The following CYP2J2 variants were observed in gnomAD, a reference collection of about 807,000 sequenced individuals.
The protein encoded by CYP2J2 is cytochrome P450 family 2 subfamily J member 2.
A neutral mutation model predicts 48.8 loss-of-function variants in CYP2J2; 41 were observed. The ratio of observed to expected loss-of-function variants is 0.84; its 90% CI spans 0.66 to 1.09. The LOEUF (loss-of-function observed/expected upper bound fraction) is 1.09. Ranked by LOEUF, CYP2J2 falls within the 50% of genes least tolerant of loss-of-function variation. The probability of loss-of-function intolerance (pLI) is 0.00; values close to 1 mark genes in which losing one functional copy is unlikely to be tolerated. For missense variants in CYP2J2, 644 were observed against 617.3 expected (o/e 1.04, Z -0.46); for synonymous variants, 221 against 227.1 (o/e 0.97, Z 0.24).
chr1:59,938,221 A>G, the CYP2J2 span, among the ~76,000 whole-genome samples: 1 of 152,194 alleles, frequency 6.6e-6, no homozygotes, highest in East Asian at 1.9e-4. Flanking sequence ...AGAGACTGAT[A>G]AAAGAAATAA....
the CYP2J2 span, among the ~76,000 whole-genome samples, chr1:59,937,285 T>C: frequency 6.6e-6 from 1 of 152,172 alleles, no homozygotes; most frequent in Non-Finnish European, 1.5e-5. Context: ...GATCTGAAAA[T>C]TGTCTTCATC....
the CYP2J2 span, among the ~76,000 whole-genome samples, chr1:59,961,703 G>A: frequency 7.2e-5 from 11 of 152,032 alleles, no homozygotes; most frequent in Admixed American, 3.9e-4. Context: ...AGTAACCAAA[G>A]AGTAGAAACA....
At chr1:59,916,215 G>A (rs1480115836) in intron 1 of CYP2J2, 115 bp from the exon 2 acceptor site, 1 of 757,664 alleles carries the variant, frequency 1.3e-6, no homozygotes. Context: ...GTCTGTGTCT[G>A]TGTGTGTACG....
At chr1:59,966,011 T>C in the CYP2J2 span, among the ~76,000 whole-genome samples, 1 of 152,174 alleles carries the variant, frequency 6.6e-6, no homozygotes, top group African/African-American at 2.4e-5. Context: ...GTTGAGTAAA[T>C]TGTGAAACCA....
upstream of CYP2J2, among the ~76,000 whole-genome samples, chr1:59,929,904 C>A (rs1644595160): frequency 6.6e-6 from 1 of 152,030 alleles, no homozygotes; most frequent in African/African-American, 2.4e-5. Context: ...ATCCATGTAT[C>A]CAAAAATTTC....
intron 6 of CYP2J2, among the ~76,000 whole-genome samples, chr1:59,906,521 C>A (rs1644366705): frequency 6.6e-6 from 1 of 151,840 alleles, no homozygotes; most frequent in Non-Finnish European, 1.5e-5. Flanking sequence ...GGGTAAAATA[C>A]CCATAACATA....
intron 1 of CYP2J2, among the ~76,000 whole-genome samples, chr1:59,921,508 G>A (rs1391577433): frequency 6.6e-6 from 1 of 152,020 alleles, no homozygotes; most frequent in African/African-American, 2.4e-5. Context: ...CAACCCTTGT[G>A]GAGAGCCTAT....
the CYP2J2 span, among the ~76,000 whole-genome samples, chr1:59,959,680 T>C: frequency 3.3e-5 from 5 of 152,248 alleles, no homozygotes; most frequent in East Asian, 9.7e-4. Context: ...TATATACATA[T>C]GTATATGTAT....
upstream of CYP2J2, among the ~76,000 whole-genome samples, chr1:59,928,177 A>C (rs11572182): frequency 0.11 from 16,706 of 152,080 alleles, 1,180 homozygotes; most frequent in Admixed American, 0.17. Context: ...GGTTTGTTAT[A>C]TCTCTCCTTC....
chr1:59,899,097 G>C (rs543460140), intron 8 of CYP2J2, among the ~76,000 whole-genome samples: 1 of 152,300 alleles, frequency 6.6e-6, no homozygotes, highest in African/African-American at 2.4e-5. Flanking sequence ...TCTCATCACG[G>C]TTGCAGCTGG....
Position 59,907,276 on chromosome 1 carries a change from G to C in CYP2J2, c.1003+510C>G, listed in dbSNP as rs140211657. 2.3e-3 allele frequency among the ~76,000 whole-genome samples: 355 copies of C among 152,236 alleles called. 2 individuals carry two copies. Among genetic ancestry groups the C allele is most frequent in the African/African-American group, 8.1e-3 (337 of 41,550 alleles). On this transcript the variant is annotated intron_variant, in intron 6 of 8. Transcript: ENST00000371204. ...GAAAACTGGGCAAGTAGAGGGAAAA[G>C]CATCTATCACGACATAGAGGCATAA...
intron 8 of CYP2J2, among the ~76,000 whole-genome samples, chr1:59,894,349 G>A (rs778370335): frequency 2.0e-5 from 3 of 152,160 alleles, no homozygotes; most frequent in Non-Finnish European, 4.4e-5. Flanking sequence ...GTGGCCCTCT[G>A]TATTGCGACT....
At chr1:59,940,068 AC>A in the CYP2J2 span, among the ~76,000 whole-genome samples, 1 of 152,060 alleles carries the variant, frequency 6.6e-6, no homozygotes, top group Non-Finnish European at 1.5e-5. Context: ...TTTGTGCTCT[AC>A]CCCCTGCGGC....
the CYP2J2 span, among the ~76,000 whole-genome samples, chr1:59,969,067 G>A: frequency 6.6e-6 from 1 of 152,176 alleles, no homozygotes; most frequent in African/African-American, 2.4e-5. Flanking sequence ...TCGTGGTCTT[G>A]CTGGCTTCAG....
At chr1:59,965,776 C>T in the CYP2J2 span, among the ~76,000 whole-genome samples, 8 of 152,178 alleles carry the variant, frequency 5.3e-5, no homozygotes, top group South Asian at 1.0e-3. Context: ...CTCAGGCTCC[C>T]GAGTAGCTGG....
intron 8 of CYP2J2, among the ~76,000 whole-genome samples, chr1:59,896,442 T>C (rs12403492): frequency 0.032 from 4,871 of 152,156 alleles, 135 homozygotes; most frequent in Admixed American, 0.087. Flanking sequence ...CAGATTCCAA[T>C]CCAACATCAC....
chr1:59,953,280 T>A, the CYP2J2 span, among the ~76,000 whole-genome samples: 2 of 152,152 alleles, frequency 1.3e-5, no homozygotes, highest in African/African-American at 4.8e-5. Context: ...GTGGGAAGCA[T>A]TTAATCATGC....
intron 2 of CYP2J2, among the ~76,000 whole-genome samples, chr1:59,914,647 A>AG (rs1304283940): frequency 6.6e-6 from 1 of 152,180 alleles, no homozygotes; most frequent in Non-Finnish European, 1.5e-5. Context: ...TTGATAAACC[A>AG]GGGGCGCAAT....
At chr1:59,897,362 C>T (rs528896881) in intron 8 of CYP2J2, among the ~76,000 whole-genome samples, 1 of 152,218 alleles carries the variant, frequency 6.6e-6, no homozygotes, top group East Asian at 1.9e-4. Context: ...TCTCGCAAAA[C>T]TAAACTTATC....
Sources: gnomAD v4.1 joint callset for allele counts (sites outside exome capture counted in the v4.1 genomes callset) on GRCh38, gnomAD v4.1.1 for gene constraint, MANE v1.5 for transcripts, NCBI Gene and HGNC (gene_info 2026-07-23, HGNC 2026-07-21) for gene names.